Variants in RALGDS observed in about 807,000 individuals in gnomAD.
RALGDS encodes the protein ral guanine nucleotide dissociation stimulator.
RALGDS carries 44 observed loss-of-function variants against 99.8 expected under a neutral mutation model. That is an observed-to-expected ratio of 0.44 (90% confidence interval 0.35 to 0.57). RALGDS has a LOEUF of 0.57. Ranked by LOEUF, RALGDS falls within the 20% of genes least tolerant of loss-of-function variation. RALGDS has a pLI of 0.01. For synonymous variants in RALGDS, 529 were observed against 505.0 expected (o/e 1.05, Z -0.64); for missense variants, 1,022 against 1,203.1 (o/e 0.85, Z 2.23).
upstream of RALGDS, among the ~76,000 whole-genome samples, chr9:133,121,568 T>C (rs1831949384): frequency 6.6e-6 from 1 of 151,130 alleles, no homozygotes; most frequent in Non-Finnish European, 1.5e-5. Context: ...GTGTGTTGCG[T>C]AGGGCTGAAA....
intron 1 of RALGDS, among the ~76,000 whole-genome samples, chr9:133,148,136 A>G (rs1010535366): frequency 3.3e-5 from 5 of 152,204 alleles, no homozygotes; most frequent in African/African-American, 1.2e-4. Flanking sequence ...GGGCATCCCC[A>G]GTGGAGACCT....
At chr9:133,110,217 C>T in intron 3 of RALGDS, 79 bp downstream of exon 3, 1 of 1,412,824 alleles carries the variant, frequency 7.1e-7, no homozygotes, top group South Asian at 1.2e-5. Context: ...GGTGAATCAG[C>T]ATTGCCAAGA....
At chr9:133,109,119 C>T (rs1260826155) in intron 4 of RALGDS, among the ~76,000 whole-genome samples, 3 of 152,222 alleles carry the variant, frequency 2.0e-5, no homozygotes, top group South Asian at 4.1e-4. Context: ...CATGAGGGAT[C>T]GGTCCTCCTG....
intron 9 of RALGDS, among the ~76,000 whole-genome samples, chr9:133,105,212 G>A (rs768741943): frequency 6.6e-6 from 1 of 152,204 alleles, no homozygotes; most frequent in African/African-American, 2.4e-5. Flanking sequence ...CCACGCAGGA[G>A]GGGGGCCCTA....
At position 133,098,512 on chromosome 9, in the gene RALGDS, G is replaced by T; in HGVS notation, c.*75C>A. The stretch of plus-strand genomic sequence containing the variant: ...ACCCTGGGCTGGCAGGTGGGAGGAA[G>T]GCGCCCAGCTGGCCTGGGCCACTCT... On this transcript the variant is annotated 3_prime_UTR_variant, in exon 18 of 18. Coordinates refer to ENST00000372050, the MANE Select transcript of RALGDS (RefSeq NM_006266.4). 1 of 1,516,248 alleles carries T rather than the reference G, an allele frequency of 6.6e-7. No homozygotes were observed. Among genetic ancestry groups the T allele is most frequent in the Non-Finnish European group, 9.1e-7 (1 of 1,099,606 alleles). The allele number at this position is 1,516,248 out of a possible 1,614,324, so 93.9% of individuals were successfully genotyped here. A position where few individuals can be genotyped will look rare whatever the true frequency, so the allele number is the denominator to read the frequency against.
In RALGDS at chr9:133,102,138, G is replaced by A. The variant is rs900782953; in HGVS notation, c.2011C>T (p.Arg671Cys). Residue 671 changes from arginine (R) to cysteine (C), a missense_variant and splice_region_variant, in exon 15 of 18, where the codon CGC (arginine) becomes TGC (cysteine). By Grantham distance (180) the Arg-to-Cys change is radical. Coordinates refer to ENST00000372050, the MANE Select transcript of RALGDS (RefSeq NM_006266.4). ...CTGAGCTCAGTGCTGGGGGCCTGGCGGCTGGGTGAAGAGTTGGCTTAGTTA... is the reference window on the plus strand; with the variant it reads ...CTGAGCTCAGTGCTGGGGGCCTGGCAGCTGGGTGAAGAGTTGGCTTAGTTA... ...NTAIVKRWSDRQAPSTELSTS... is the reference protein window; with the variant it reads ...NTAIVKRWSDCQAPSTELSTS... 59 of 1,562,804 alleles carry A rather than the reference G, an allele frequency of 3.8e-5. No homozygotes were observed. The highest frequency in any genetic ancestry group is 4.7e-5 in the South Asian group (4 of 84,984).
intron 1 of RALGDS, among the ~76,000 whole-genome samples, chr9:133,141,516 G>A (rs1313698905): frequency 6.6e-6 from 1 of 152,162 alleles, no homozygotes; most frequent in Non-Finnish European, 1.5e-5. Context: ...CAGACAGGGA[G>A]GCTCAGAGGG....
chr9:133,110,560 C>T (rs1831293334), intron 2 of RALGDS, 71 bp from the exon 3 acceptor site: 1 of 1,381,244 alleles, frequency 7.2e-7, no homozygotes, highest in Admixed American at 1.7e-5. Context: ...AGATGGAACC[C>T]CGAGCCCTCA....
intron 12 of RALGDS, 120 bp from the exon 13 acceptor site, chr9:133,103,020 T>G (rs918603889): frequency 2.7e-6 from 4 of 1,491,444 alleles, no homozygotes. Context: ...GGCCTTCCTG[T>G]TCTCAAAGTT....
Position 133,120,094 on chromosome 9 carries a change from C to A in RALGDS, c.183+878G>T, listed in dbSNP as rs59213551. Among the ~76,000 whole-genome samples the A allele has an allele frequency of 9.2e-3, 1,405 of 152,276 alleles. 22 individuals carry two copies. Among genetic ancestry groups the A allele is most frequent in the African/African-American group, 0.029 (1,210 of 41,552 alleles). ...CCTCTGTGCAGGCCCTGTGCCCAGG[C>A]AGAGCAGGGCGAGGGGGGCATCTCT... is the stretch of plus-strand genomic sequence containing the variant. On this transcript the variant is annotated intron_variant, in intron 1 of 17. Transcript: ENST00000372050.
chr9:133,130,250 A>G (rs560297), intron 1 of RALGDS, among the ~76,000 whole-genome samples: 93,229 of 152,102 alleles, frequency 0.61, 28,671 homozygotes, highest in Admixed American at 0.67. Flanking sequence ...GATTACAGGC[A>G]TGAGCCACCA....
At position 133,149,021 on chromosome 9, in the gene RALGDS, C is replaced by G. The variant is rs767838554; in HGVS notation, c.-41G>C. On this transcript the variant is annotated 5_prime_UTR_variant, in exon 1 of 18. Transcript: ENST00000393160. The stretch of plus-strand genomic sequence containing the variant: ...CACATCGCCGGCCCCAGGGCGGGAC[C>G]CGGGGCTCGCAGAGGCCGCTCGCCT... 18 of 1,530,146 alleles carry G rather than the reference C, an allele frequency of 1.2e-5. No individual in the cohort carries two copies. The South Asian group carries it at 1.7e-4, about 14-fold the overall frequency. 94.8% of individuals were successfully genotyped at this position (1,530,146 alleles called of 1,614,324 possible). A position where few individuals can be genotyped will look rare whatever the true frequency, so the allele number is the denominator to read the frequency against.
At chr9:133,138,598 A>C (rs1407901784) in intron 1 of RALGDS, among the ~76,000 whole-genome samples, 1 of 152,130 alleles carries the variant, frequency 6.6e-6, no homozygotes, top group Non-Finnish European at 1.5e-5. Flanking sequence ...GAGAAAACTG[A>C]CACTCAGCCC....
At chr9:133,145,483 T>C (rs1832608390) in intron 1 of RALGDS, among the ~76,000 whole-genome samples, 1 of 148,168 alleles carries the variant, frequency 6.7e-6, no homozygotes, top group Non-Finnish European at 1.5e-5. Flanking sequence ...CGTAAAAATC[T>C]GTATGTTCGT....
chr9:133,136,188 T>C lies in RALGDS; in HGVS notation c.18+12775A>G, dbSNP rs149103120. Among the ~76,000 whole-genome samples, 82 of 152,302 alleles carry C rather than the reference T, an allele frequency of 5.4e-4. 1 individual carries two copies. Among genetic ancestry groups the C allele is most frequent in the Admixed American group, 3.1e-3 (47 of 15,302 alleles). On this transcript the variant is annotated intron_variant, in intron 1 of 17. Transcript: ENST00000393160. Reference sequence around the variant, plus strand: ...CACCTTTGGCCTAGGTCATAATAAGTAAAATGCATTTTTGAAAATAAGAAT... The same window carrying C: ...CACCTTTGGCCTAGGTCATAATAAGCAAAATGCATTTTTGAAAATAAGAAT...
intron 3 of RALGDS, 105 bp from the exon 4 acceptor site, chr9:133,109,826 G>T: frequency 1.2e-6 from 1 of 854,234 alleles, no homozygotes; most frequent in Non-Finnish European, 1.9e-6. Context: ...TATATTAAAT[G>T]CCTAGAAAAG....
intron 6 of RALGDS, 109 bp from the exon 7 acceptor site, chr9:133,107,409 G>A (rs948816315): frequency 5.1e-5 from 52 of 1,022,338 alleles, no homozygotes; most frequent in East Asian, 2.6e-4. Flanking sequence ...GTTTTATCCC[G>A]TGTCCATGCA....
intron 6 of RALGDS, among the ~76,000 whole-genome samples, chr9:133,107,545 C>T (rs2886293): frequency 0.29 from 44,824 of 152,158 alleles, 6,800 homozygotes; most frequent in Middle Eastern, 0.43. Flanking sequence ...CCCATCCCCC[C>T]GCCTCAGTCT....
At chr9:133,145,572 G>A (rs1832610426) in intron 1 of RALGDS, among the ~76,000 whole-genome samples, 1 of 152,224 alleles carries the variant, frequency 6.6e-6, no homozygotes, top group Non-Finnish European at 1.5e-5. Context: ...GCAGATGTGT[G>A]AGGGGAGACA....
Sources: allele counts gnomAD v4.1 joint callset (sites outside exome capture counted in the v4.1 genomes callset), GRCh38; gene constraint gnomAD v4.1.1; transcripts MANE v1.5; gene names NCBI Gene and HGNC (gene_info 2026-07-23, HGNC 2026-07-21).